ZNF576: variants seen among roughly 807,000 people sequenced by gnomAD.
ZNF576 encodes the protein zinc finger protein 576.
A neutral mutation model predicts 10.8 loss-of-function variants in ZNF576; 9 were observed. The observed-to-expected ratio is 0.84, with a 90% confidence interval of 0.50 to 1.46. The LOEUF is 1.46. Among genes scored for constraint, ZNF576 ranks in the 40% most tolerant of loss-of-function variants. The pLI is 0.00. For missense variants in ZNF576, 191 were observed against 233.7 expected (o/e 0.82, Z 1.19); for synonymous variants, 88 against 89.6 (o/e 0.98, Z 0.10).
Position 43,599,451 on chromosome 19 carries a change from G to C in ZNF576, c.*193G>C, listed in dbSNP as rs1048267766. The stretch of plus-strand genomic sequence containing the variant: ...AGTCTTTGGAGCACACAGGGCCTTC[G>C]TGAGACAGTGAAATCAGATAATAAT... On this transcript the variant is annotated 3_prime_UTR_variant, in exon 3 of 3. Transcript: ENST00000336564. 2 of 566,910 alleles carry C rather than the reference G, an allele frequency of 3.5e-6. No individual in the cohort carries two copies. The highest frequency in any genetic ancestry group is 6.1e-6 in the Non-Finnish European group (2 of 326,494). 35.1% of individuals were successfully genotyped at this position (566,910 alleles called of 1,614,324 possible). A position where few individuals can be genotyped will look rare whatever the true frequency, so the allele number is the denominator to read the frequency against.
upstream of ZNF576, chr19:43,596,493 G>A (rs780508398): frequency 1.3e-5 from 2 of 152,390 alleles, no homozygotes; most frequent in East Asian, 1.9e-4. Flanking sequence ...GAAACCACGG[G>A]GGCCCTGAGA....
chr19:43,597,307 G>A (rs1973157922), intron 2 of ZNF576, 114 bp downstream of exon 2: 4 of 888,072 alleles, frequency 4.5e-6, no homozygotes, highest in Non-Finnish European at 7.4e-6. Context: ...TTGAGAAGGG[G>A]CTGTAATGGT....
chr19:43,597,362 A>G, intron 2 of ZNF576, 169 bp downstream of exon 2: 1 of 613,378 alleles, frequency 1.6e-6, no homozygotes, highest in Non-Finnish European at 2.9e-6. Context: ...ACACCAGCTT[A>G]TGTGGCCAGA....
rs1418785830 is a variant in ZNF576 at position 43,596,665 on chromosome 19, C to T, written c.-94C>T. On this transcript the variant is annotated 5_prime_UTR_variant, in exon 1 of 3. Coordinates refer to ENST00000336564, the MANE Select transcript of ZNF576 (RefSeq NM_001145347.2). Reference sequence around the variant, plus strand: ...TAGCGGGATAGCAGCTGCAAGCGCGCGTGGGAGGCGGGGGCTCTGGGCGGA... The same window carrying T: ...TAGCGGGATAGCAGCTGCAAGCGCGTGTGGGAGGCGGGGGCTCTGGGCGGA... The T allele has an allele frequency of 6.3e-6, 1 of 159,130 alleles. No homozygotes were observed. The highest frequency in any genetic ancestry group is 1.4e-5 in the Non-Finnish European group (1 of 71,690). 9.9% of individuals were successfully genotyped at this position (159,130 alleles called of 1,614,324 possible). A position where few individuals can be genotyped will look rare whatever the true frequency, so the allele number is the denominator to read the frequency against.
intron 2 of ZNF576, chr19:43,597,484 A>G (rs1973160217): frequency 9.7e-6 from 3 of 309,212 alleles, no homozygotes; most frequent in Admixed American, 8.7e-5. Flanking sequence ...GAATGGTTCT[A>G]TTGGGAGAGA....
At chr19:43,597,485 T>C (rs1469887297) in intron 2 of ZNF576, 13 of 307,994 alleles carry the variant, frequency 4.2e-5, no homozygotes, top group South Asian at 1.0e-4. Flanking sequence ...AATGGTTCTA[T>C]TGGGAGAGAA....
rs1417018293 is a variant in ZNF576 at position 43,599,982 on chromosome 19, A to T, written c.*724A>T. The T allele has an allele frequency of 1.3e-5, 2 of 152,248 alleles. No individual in the cohort carries two copies. The highest frequency in any genetic ancestry group is 4.8e-5 in the African/African-American group (2 of 41,460). The allele number at this position is 152,248 out of a possible 1,614,324, so 9.4% of individuals were successfully genotyped here. ...TAGTATCTAAAAACAGAAAACATCC[A>T]TATTAAAATGTCTAAACAGGGAGCT... is the stretch of plus-strand genomic sequence containing the variant. On this transcript the variant is annotated 3_prime_UTR_variant, in exon 3 of 3. Coordinates refer to ENST00000336564, the MANE Select transcript of ZNF576 (RefSeq NM_001145347.2).
intron 2 of ZNF576, among the ~76,000 whole-genome samples, chr19:43,598,256 T>C (rs536996119): frequency 6.6e-6 from 1 of 152,330 alleles, no homozygotes; most frequent in Non-Finnish European, 1.5e-5. Flanking sequence ...AGTCACAGCG[T>C]GGCCTTGTCT....
chr19:43,599,420 A>T lies in ZNF576; in HGVS notation c.*162A>T. On this transcript the variant is annotated 3_prime_UTR_variant, in exon 3 of 3. Transcript: ENST00000336564. ...GAGGACCCAGAAGATTCTTATTTAG[A>T]GCTTCAGTCTTTGGAGCACACAGGG... The T allele has an allele frequency of 1.5e-6, 1 of 687,514 alleles. No homozygotes were observed. The highest frequency in any genetic ancestry group is 2.4e-6 in the Non-Finnish European group (1 of 421,106). 42.6% of individuals were successfully genotyped at this position (687,514 alleles called of 1,614,324 possible). A position where few individuals can be genotyped will look rare whatever the true frequency, so the allele number is the denominator to read the frequency against.
At position 43,597,494 on chromosome 19, in the gene ZNF576, A is replaced by G. The variant is rs115143677; in HGVS notation, c.85+301A>G. 424 of 282,570 alleles carry G rather than the reference A, an allele frequency of 1.5e-3. 1 individual carries two copies. The highest frequency in any genetic ancestry group is 8.6e-3 in the African/African-American group (390 of 45,610). 17.5% of individuals were successfully genotyped at this position (282,570 alleles called of 1,614,324 possible). A position where few individuals can be genotyped will look rare whatever the true frequency, so the allele number is the denominator to read the frequency against. ...GCTGGGAATGGTTCTATTGGGAGAG[A>G]AACCCCAAGATTCTGGTCCCAACTC... On this transcript the variant is annotated intron_variant, in intron 2 of 2. Transcript: ENST00000336564.
At position 43,599,346 on chromosome 19, in the gene ZNF576, C is replaced by G. The variant is rs1395627682; in HGVS notation, c.*88C>G. 3 of 1,394,896 alleles carry G rather than the reference C, an allele frequency of 2.2e-6. No individual in the cohort carries two copies. Among genetic ancestry groups the G allele is most frequent in the Non-Finnish European group, 2.9e-6 (3 of 1,036,740 alleles). The allele number at this position is 1,394,896 out of a possible 1,614,324, so 86.4% of individuals were successfully genotyped here. On this transcript the variant is annotated 3_prime_UTR_variant, in exon 3 of 3. Coordinates refer to ENST00000336564, the MANE Select transcript of ZNF576 (RefSeq NM_001145347.2). The stretch of plus-strand genomic sequence containing the variant: ...ATGGGGTGCAGGAACTCTGGGGGCC[C>G]TGAAGGATTTGCTTCCCTCCCCTGG...
chr19:43,600,874 T>G lies in ZNF576; in HGVS notation c.*1616T>G, dbSNP rs1321986890. On this transcript the variant is annotated 3_prime_UTR_variant, in exon 3 of 3. Coordinates refer to ENST00000336564, the MANE Select transcript of ZNF576 (RefSeq NM_001145347.2). ...AAAAAAGAAAAGAAAGGGACATACC[T>G]TTTTTCCACCTTCCTAACTGTAATA... is the stretch of plus-strand genomic sequence containing the variant. 1 of 152,102 alleles carries G rather than the reference T, an allele frequency of 6.6e-6. No homozygotes were observed. The highest frequency in any genetic ancestry group is 2.4e-5 in the African/African-American group (1 of 41,420). The allele number at this position is 152,102 out of a possible 1,614,324, so 9.4% of individuals were successfully genotyped here. A position where few individuals can be genotyped will look rare whatever the true frequency, so the allele number is the denominator to read the frequency against.
chr19:43,597,430 A>G (rs1176532177), intron 2 of ZNF576: 2 of 444,450 alleles, frequency 4.5e-6, no homozygotes, highest in East Asian at 8.2e-5. Context: ...ATTCAGAGGG[A>G]TAGGGTGGCT....
In ZNF576 at chr19:43,598,978, G is replaced by A. The variant is rs370674251; in HGVS notation, c.233G>A (p.Arg78His). The A allele has an allele frequency of 1.2e-5, 19 of 1,614,018 alleles. No homozygotes were observed. The East Asian group carries it at 1.3e-4, about 11-fold the overall frequency. The change falls in exon 3 of 3, where the codon CGC becomes CAC. Residue 78 changes from arginine to histidine, a missense_variant. Coordinates refer to ENST00000336564, the MANE Select transcript of ZNF576 (RefSeq NM_001145347.2). ...CTCTTCATCTGCTTCACCTGCGCCC[G>A]CTCCTTCCCCTCCTCCAAAGCCCTA... ...GVLFICFTCA[R>H]SFPSSKALIT...
At chr19:43,597,669 G>A (rs1973162758) in intron 2 of ZNF576, 3 of 163,760 alleles carry the variant, frequency 1.8e-5, no homozygotes, top group African/African-American at 7.2e-5. Context: ...ACATGTAATA[G>A]CAACACCTCC....
In ZNF576 at chr19:43,600,263, G is replaced by A. The variant is rs1406189758; in HGVS notation, c.*1005G>A. Reference sequence around the variant, plus strand: ...TTACAACAGGCTGGAGGGAGCAGTGGGTGTCACCCTCAACTGGAGATGAGT... The same window carrying A: ...TTACAACAGGCTGGAGGGAGCAGTGAGTGTCACCCTCAACTGGAGATGAGT... On this transcript the variant is annotated 3_prime_UTR_variant, in exon 3 of 3. Transcript: ENST00000336564. 6.6e-6 allele frequency: 1 copy of A among 152,336 alleles called. No individual in the cohort carries two copies. The highest frequency in any genetic ancestry group is 1.9e-4 in the East Asian group (1 of 5,184). 9.4% of individuals were successfully genotyped at this position (152,336 alleles called of 1,614,324 possible).
chr19:43,597,341 T>C, intron 2 of ZNF576, 148 bp downstream of exon 2: 1 of 671,856 alleles, frequency 1.5e-6, no homozygotes, highest in South Asian at 1.7e-5. Flanking sequence ...TAGCAGGAAG[T>C]GCATCTCCTC....
intron 2 of ZNF576, 184 bp downstream of exon 2, chr19:43,597,377 T>G: frequency 1.7e-6 from 1 of 582,034 alleles, no homozygotes; most frequent in Non-Finnish European, 3.1e-6. Flanking sequence ...GCCAGAGTAC[T>G]CACCCTCCTC....
rs546014023 is a variant in ZNF576, at chr19:43,600,754, G to A, written c.*1496G>A. Reference sequence around the variant, plus strand: ...TAATCCCAGCTACTTGGGAGGCTGAGGCAGGAGAATTGCTTGAACCTGGGA... The same window carrying A: ...TAATCCCAGCTACTTGGGAGGCTGAAGCAGGAGAATTGCTTGAACCTGGGA... On this transcript the variant is annotated 3_prime_UTR_variant, in exon 3 of 3. Transcript: ENST00000336564. The A allele has an allele frequency of 1.7e-3, 254 of 152,420 alleles. 9 individuals carry two copies. The South Asian group carries it at 0.05, about 30-fold the overall frequency. 9.4% of individuals were successfully genotyped at this position (152,420 alleles called of 1,614,324 possible).
Sources: gnomAD v4.1 joint callset for allele counts (sites outside exome capture counted in the v4.1 genomes callset) on GRCh38, gnomAD v4.1.1 for gene constraint, MANE v1.5 for transcripts, NCBI Gene and HGNC (gene_info 2026-07-23, HGNC 2026-07-21) for gene names.